Variants in BCLAF3 observed in about 807,000 individuals in gnomAD.
BCLAF3 encodes the protein transient octamer binding factor 1.
BCLAF3 carries 24 observed loss-of-function variants against 51.2 expected under a neutral mutation model. The ratio of observed to expected loss-of-function variants is 0.47; its 90% CI spans 0.34 to 0.66. The LOEUF is 0.66. BCLAF3 is among the 30% of genes least tolerant of loss of function. The pLI is 0.01. For missense variants in BCLAF3, 465 were observed against 525.1 expected (o/e 0.89, Z 1.12); for synonymous variants, 152 against 176.6 (o/e 0.86, Z 1.10).
intron 11 of BCLAF3, among the ~76,000 whole-genome samples, chrX:19,924,807 C>G (rs1329512741): frequency 9.0e-6 from 1 of 111,231 alleles, no homozygotes; most frequent in Non-Finnish European, 1.9e-5. Flanking sequence ...TTAATTCTTA[C>G]TAGCTTCTTT....
At chrX:19,920,213 A>G (rs2070098792) in intron 11 of BCLAF3, among the ~76,000 whole-genome samples, 1 of 111,825 alleles carries the variant, frequency 8.9e-6, no homozygotes, top group Non-Finnish European at 1.9e-5. Context: ...GAAATTAAGT[A>G]TGTTCTGTGA....
At chrX:19,962,707 G>T (rs750501945) in intron 4 of BCLAF3, among the ~76,000 whole-genome samples, 5 of 112,098 alleles carry the variant, frequency 4.5e-5, no homozygotes, top group Non-Finnish European at 9.4e-5. Context: ...TAGACTTTAG[G>T]TGGTGAGTAT....
rs764295329 is a variant in BCLAF3, at chrX:19,965,212, C to T, written c.1106G>A (p.Trp369Ter). ...CCCTTCTTTCTTTATTTTTTCCTTC[C>T]ATTTGTCATTACTAGATCGCAAATC... ...DVDLRSSNDK[W>*]KEKIKKEGDC... Residue 369 changes from tryptophan to a stop codon, truncating the protein, a stop_gained, in exon 4 of 12, where the codon TGG (tryptophan) becomes TAG (stop). Coordinates refer to ENST00000379682, the MANE Select transcript of BCLAF3 (RefSeq NM_001367774.2). LOFTEE classifies it high-confidence loss of function. 8.3e-7 allele frequency: 1 copy of T among 1,204,538 alleles called. No homozygotes were observed. Among genetic ancestry groups the T allele is most frequent in the Admixed American group, 2.2e-5 (1 of 44,639 alleles).
intron 6 of BCLAF3, 97 bp from the exon 7 acceptor site, chrX:19,953,148 T>C (rs1278804831): frequency 8.5e-6 from 6 of 707,664 alleles, no homozygotes; most frequent in Non-Finnish European, 1.0e-5. Context: ...AAAGCTAGTA[T>C]GTTTTGGAGC....
Position 19,929,917 on chromosome X carries a change from G to C in BCLAF3, c.1974C>G (p.Cys658Trp). Residue 658 changes from cysteine to tryptophan, a missense_variant, in exon 11 of 12, where the codon TGC (cysteine) becomes TGG (tryptophan). By Grantham distance (215) the Cys-to-Trp change is radical. Coordinates refer to ENST00000379682, the MANE Select transcript of BCLAF3 (RefSeq NM_001367774.2). Reference sequence around the variant, plus strand: ...CCAGGCCTGATTTATAATTGGGCTGGCATCTGCCACCTCTAAAGTTGCTCT... The same window carrying C: ...CCAGGCCTGATTTATAATTGGGCTGCCATCTGCCACCTCTAAAGTTGCTCT... Reference protein sequence around the residue: ...PFKSNFRGGRCQPNYKSGLVQ... With the variant: ...PFKSNFRGGRWQPNYKSGLVQ... The C allele has an allele frequency of 8.3e-7, 1 of 1,207,142 alleles. No individual in the cohort carries two copies. The highest frequency in any genetic ancestry group is 1.1e-6 in the Non-Finnish European group (1 of 893,947).
chrX:19,982,571 ACACACACACACACG>A (rs1373143458), intron 1 of BCLAF3, among the ~76,000 whole-genome samples: 1 of 108,852 alleles, frequency 9.2e-6, no homozygotes, highest in East Asian at 2.8e-4. Flanking sequence ...ACACACACAC[ACACACACACACACG>A]CACACACACA....
intron 1 of BCLAF3, among the ~76,000 whole-genome samples, chrX:19,974,246 A>C (rs1175708208): frequency 8.9e-6 from 1 of 112,776 alleles, no homozygotes; most frequent in Non-Finnish European, 1.9e-5. Context: ...GTAGTTTGGA[A>C]ATACCCAATA....
intron 8 of BCLAF3, among the ~76,000 whole-genome samples, chrX:19,950,102 G>T (rs2071431622): frequency 9.0e-6 from 1 of 111,453 alleles, no homozygotes. Flanking sequence ...ACTCATAACT[G>T]CCCCATAGCA....
intron 4 of BCLAF3, among the ~76,000 whole-genome samples, chrX:19,964,168 ACCAAATCAACATGGCCCCCC>A (rs2071961149): frequency 1.8e-5 from 2 of 111,855 alleles, no homozygotes; most frequent in Non-Finnish European, 3.8e-5. Context: ...ATATAAACAT[ACCAAATCAACATGGCCCCCC>A]CCTTTTTCAT....
Position 19,913,871 on chromosome X carries a change from TTTTC to T in BCLAF3, c.*3430_*3433del, listed in dbSNP as rs766490523. ...TCTGAATTTGTCAATGTACATTAAT[TTTTC>T]TTTGTCAAGATTTATAACATTTACA... is the stretch of plus-strand genomic sequence containing the variant. On this transcript the variant is annotated 3_prime_UTR_variant, in exon 12 of 12. Transcript: ENST00000379682. 3.7e-4 allele frequency: 42 copies of T among 112,212 alleles called. No individual in the cohort carries two copies. Among genetic ancestry groups the T allele is most frequent in the Admixed American group, 3.5e-3 (37 of 10,579 alleles). The allele number at this position is 112,212 out of a possible 1,213,427, so 9.2% of individuals were successfully genotyped here.
rs1163686822 is a variant in BCLAF3 at position 19,952,861 on chromosome X, A to G, written c.1629+127T>C. The G allele has an allele frequency of 2.6e-5, 13 of 494,414 alleles. No homozygotes were observed. In the East Asian group the frequency reaches 4.9e-4, roughly 19 times the overall value. 40.7% of individuals were successfully genotyped at this position (494,414 alleles called of 1,213,427 possible). On this transcript the variant is annotated intron_variant, in intron 7 of 11. Coordinates refer to ENST00000379682, the MANE Select transcript of BCLAF3 (RefSeq NM_001367774.2). Reference sequence around the variant, plus strand: ...ATCACCTGAAGACTTTTTTAATTTCAGATTCCTGGGTTTCAATCCTCCTTC... The same window carrying G: ...ATCACCTGAAGACTTTTTTAATTTCGGATTCCTGGGTTTCAATCCTCCTTC...
chrX:19,923,775 T>A (rs994200228), intron 11 of BCLAF3, among the ~76,000 whole-genome samples: 1 of 111,459 alleles, frequency 9.0e-6, no homozygotes, highest in Admixed American at 9.6e-5. Flanking sequence ...TTCTGTCACT[T>A]AGCATCATAT....
chrX:19,948,328 A>C (rs890554938), intron 8 of BCLAF3, among the ~76,000 whole-genome samples: 2 of 112,659 alleles, frequency 1.8e-5, no homozygotes, highest in Non-Finnish European at 3.7e-5. Context: ...GAATGGATAA[A>C]GAGAATACGA....
intron 7 of BCLAF3, among the ~76,000 whole-genome samples, chrX:19,952,786 T>A (rs772178284): frequency 8.9e-6 from 1 of 111,937 alleles, no homozygotes; most frequent in Admixed American, 9.5e-5. Context: ...TCTTAGGGAA[T>A]ATTTTTGTCT....
intron 5 of BCLAF3, 111 bp downstream of exon 5, chrX:19,955,280 T>C: frequency 1.9e-6 from 1 of 523,893 alleles, no homozygotes. Flanking sequence ...ACAGTCTAGC[T>C]TACAATGAAA....
chrX:19,952,828 TAGTC>T (rs2071535413), intron 7 of BCLAF3, among the ~76,000 whole-genome samples, 156 bp downstream of exon 7: 1 of 111,938 alleles, frequency 8.9e-6, no homozygotes. Context: ...ACCTGGCTGA[TAGTC>T]AGAATCACCT....
In BCLAF3 at chrX:19,965,373, T is replaced by C; in HGVS notation, c.945A>G (p.Lys315=). 8.3e-7 allele frequency: 1 copy of C among 1,211,154 alleles called. No homozygotes were observed. Among genetic ancestry groups the C allele is most frequent in the Non-Finnish European group, 1.1e-6 (1 of 895,101 alleles). The change falls in exon 4 of 12, where the codon AAA becomes AAG. Residue 315 remains lysine (K), a synonymous_variant. Transcript: ENST00000379682. ...AATCTAACTCTCTATTTAGAGGGCC[T>C]TTTTGAAAACTATATTTTCTATCTT... ...KEEDRKYSFQ[K]GPLNRELDCF...
rs1166813338 is a variant in BCLAF3 at position 19,966,231 on chromosome X, G to T, written c.460C>A (p.Pro154Thr). ...RVRGSGKGGK[P>T]PQRSIADSFR... ...GAATCTGCTATTGACCTCTGAGGTG[G>T]TTTCCCTCCTTTTCCACTTCCTCTA... Residue 154 changes from proline (P) to threonine (T), a missense_variant, in exon 3 of 12, where the codon CCA (proline) becomes ACA (threonine). Physicochemically the swap from Pro to Thr is conservative, Grantham distance 38. Transcript: ENST00000379682. 2 of 1,211,421 alleles carry T rather than the reference G, an allele frequency of 1.7e-6. No homozygotes were observed. Among genetic ancestry groups the T allele is most frequent in the South Asian group, 3.5e-5 (2 of 56,967 alleles).
At chrX:19,924,530 T>C (rs1259306497) in intron 11 of BCLAF3, among the ~76,000 whole-genome samples, 1 of 111,206 alleles carries the variant, frequency 9.0e-6, no homozygotes. Context: ...TGGTTCCTGT[T>C]CTATTTTCGT....
Sources: gnomAD v4.1 joint callset for allele counts (sites outside exome capture counted in the v4.1 genomes callset) on GRCh38, gnomAD v4.1.1 for gene constraint, MANE v1.5 for transcripts, NCBI Gene and HGNC (gene_info 2026-07-23, HGNC 2026-07-21) for gene names.